Variants in XKR4 observed in about 807,000 individuals in gnomAD.
XKR4 encodes XK-related protein 4.
XKR4 carries 12 observed loss-of-function variants against 53.9 expected under a neutral mutation model. That is an observed-to-expected ratio of 0.22 (90% CI 0.14 to 0.36). The LOEUF (loss-of-function observed/expected upper bound fraction) is 0.36, where lower values mean the gene tolerates loss of function less well. XKR4 is among the 10% of genes least tolerant of loss of function. The pLI is 1.00. For synonymous variants in XKR4, 354 were observed against 362.4 expected (o/e 0.98, Z 0.26); for missense variants, 799 against 859.5 (o/e 0.93, Z 0.88).
At chr8:55,216,370 A>C (rs770954442) in intron 1 of XKR4, among the ~76,000 whole-genome samples, 8 of 152,162 alleles carry the variant, frequency 5.3e-5, no homozygotes, top group Non-Finnish European at 1.0e-4. Flanking sequence ...ATTAAAATTG[A>C]GCAATATAGA....
chr8:55,457,342 C>T (rs1805586184), intron 2 of XKR4, among the ~76,000 whole-genome samples: 1 of 152,090 alleles, frequency 6.6e-6, no homozygotes, highest in Non-Finnish European at 1.5e-5. Context: ...TGGGGTTTCA[C>T]CATGTTAGGC....
intron 1 of XKR4, among the ~76,000 whole-genome samples, chr8:55,188,013 T>C (rs1817400982): frequency 6.6e-6 from 1 of 152,234 alleles, no homozygotes; most frequent in East Asian, 1.9e-4. Context: ...CCTTTTCCAA[T>C]GAAGACAAAA....
At chr8:55,177,599 C>G (rs1325387144) in intron 1 of XKR4, among the ~76,000 whole-genome samples, 1 of 152,190 alleles carries the variant, frequency 6.6e-6, no homozygotes, top group African/African-American at 2.4e-5. Flanking sequence ...GTGAGCAGGC[C>G]TGTGAGCCCT....
At chr8:55,494,130 G>T (rs1248680478) in intron 2 of XKR4, among the ~76,000 whole-genome samples, 1 of 152,244 alleles carries the variant, frequency 6.6e-6, no homozygotes, top group Non-Finnish European at 1.5e-5. Context: ...GTGGAGTGTG[G>T]GGTCCAGGCA....
intron 2 of XKR4, among the ~76,000 whole-genome samples, chr8:55,367,133 C>G (rs549677031): frequency 2.6e-5 from 4 of 151,982 alleles, no homozygotes; most frequent in African/African-American, 4.8e-5. Flanking sequence ...GCTCTTACCC[C>G]CTCCTTCCCT....
chr8:55,155,083 T>A (rs950485954), intron 1 of XKR4, among the ~76,000 whole-genome samples: 1 of 152,160 alleles, frequency 6.6e-6, no homozygotes, highest in Non-Finnish European at 1.5e-5. Context: ...GACCAGAAGT[T>A]GATTCTCTAG....
chr8:55,364,782 G>A lies in XKR4; in HGVS notation c.1006+6905G>A, dbSNP rs549367959. Among the ~76,000 whole-genome samples the A allele has an allele frequency of 7.8e-4, 119 of 152,062 alleles. 2 individuals carry two copies. The South Asian group carries it at 0.024, about 31-fold the overall frequency. On this transcript the variant is annotated intron_variant, in intron 2 of 2. Transcript: ENST00000327381. ...TGAGTAGCTGGAATTACAGGCCCCCGCCACCACGCCCGACTAATTTTGTAT... is the reference window on the plus strand; with the variant it reads ...TGAGTAGCTGGAATTACAGGCCCCCACCACCACGCCCGACTAATTTTGTAT...
chr8:55,120,670 A>G (rs1422990378), intron 1 of XKR4, among the ~76,000 whole-genome samples: 3 of 151,992 alleles, frequency 2.0e-5, no homozygotes, highest in Non-Finnish European at 4.4e-5. Context: ...TTCCCCTATT[A>G]TTAACATCTT....
intron 1 of XKR4, among the ~76,000 whole-genome samples, chr8:55,248,184 T>G (rs1251168804): frequency 6.6e-6 from 1 of 152,042 alleles, no homozygotes; most frequent in Non-Finnish European, 1.5e-5. Flanking sequence ...CCACCAAAGA[T>G]CCAATGGAGA....
chr8:55,273,789 G>A (rs985355848), intron 1 of XKR4, among the ~76,000 whole-genome samples: 17 of 152,300 alleles, frequency 1.1e-4, no homozygotes, highest in Middle Eastern at 3.4e-3. Context: ...CTGGGAGACT[G>A]ATTTGAGTAA....
Position 55,525,382 on chromosome 8 carries a change from C to T in XKR4, c.*1155C>T, listed in dbSNP as rs1423299548. 1.3e-5 allele frequency: 2 copies of T among 152,638 alleles called. No individual in the cohort carries two copies. The highest frequency in any genetic ancestry group is 1.5e-5 in the Non-Finnish European group (1 of 68,052). 9.5% of individuals were successfully genotyped at this position (152,638 alleles called of 1,614,324 possible). On this transcript the variant is annotated 3_prime_UTR_variant, in exon 3 of 3. Transcript: ENST00000327381. Reference sequence around the variant, plus strand: ...ACTGTGTACAGACTTTTCCTCCCCCCAATCCAAGGTCAAAGTGATGTGTCT... The same window carrying T: ...ACTGTGTACAGACTTTTCCTCCCCCTAATCCAAGGTCAAAGTGATGTGTCT...
At chr8:55,192,852 C>T (rs997892538) in intron 1 of XKR4, among the ~76,000 whole-genome samples, 5 of 151,960 alleles carry the variant, frequency 3.3e-5, no homozygotes, top group Non-Finnish European at 7.4e-5. Flanking sequence ...TTTATGGGAG[C>T]GTTGTAGGGT....
At chr8:55,154,518 T>A (rs2129356080) in intron 1 of XKR4, among the ~76,000 whole-genome samples, 1 of 152,354 alleles carries the variant, frequency 6.6e-6, no homozygotes, top group Non-Finnish European at 1.5e-5. Context: ...TTAATGCCAG[T>A]GACATCAGTT....
rs190373296 is a variant in XKR4, at chr8:55,427,501, A to G, written c.1006+69624A>G. On this transcript the variant is annotated intron_variant, in intron 2 of 2. Transcript: ENST00000327381. ...GCTGGGATTATAGGCATGAACCACCACATCTGACCCTGGAACCAGTTATTA... is the reference window on the plus strand; with the variant it reads ...GCTGGGATTATAGGCATGAACCACCGCATCTGACCCTGGAACCAGTTATTA... Among the ~76,000 whole-genome samples, 17 of 152,300 alleles carry G rather than the reference A, an allele frequency of 1.1e-4. No homozygotes were observed. In the East Asian group the frequency reaches 3.3e-3, roughly 29 times the overall value.
chr8:55,356,405 A>G (rs1028927110), intron 1 of XKR4, among the ~76,000 whole-genome samples: 4 of 152,202 alleles, frequency 2.6e-5, no homozygotes, highest in African/African-American at 9.6e-5. Context: ...TAAAATCAAG[A>G]CAAAGAAAAT....
At chr8:55,350,706 A>ATAGAGATTATG (rs1343855046) in intron 1 of XKR4, among the ~76,000 whole-genome samples, 1 of 150,482 alleles carries the variant, frequency 6.6e-6, no homozygotes, top group Non-Finnish European at 1.5e-5. Flanking sequence ...TTTAGTGGAT[A>ATAGAGATTATG]TAGAGATTAT....
chr8:55,201,270 T>TG (rs1187914921), intron 1 of XKR4, among the ~76,000 whole-genome samples: 1 of 152,214 alleles, frequency 6.6e-6, no homozygotes, highest in African/African-American at 2.4e-5. Context: ...CTGAAAAATA[T>TG]TGTGGCTGCA....
chr8:55,410,582 C>A (rs1313777532), intron 2 of XKR4, among the ~76,000 whole-genome samples: 1 of 152,184 alleles, frequency 6.6e-6, no homozygotes, highest in Admixed American at 6.5e-5. Flanking sequence ...ATTCATCCCC[C>A]TGTACATGCA....
chr8:55,291,663 A>G (rs1323692612), intron 1 of XKR4, among the ~76,000 whole-genome samples: 1 of 152,172 alleles, frequency 6.6e-6, no homozygotes, highest in Non-Finnish European at 1.5e-5. Flanking sequence ...TGTTCATTAC[A>G]TGTATGTAGA....
Sources: allele counts gnomAD v4.1 joint callset (sites outside exome capture counted in the v4.1 genomes callset), GRCh38; gene constraint gnomAD v4.1.1; transcripts MANE v1.5; gene names NCBI Gene and HGNC (gene_info 2026-07-23, HGNC 2026-07-21).